KCNG2: variants seen among roughly 807,000 people sequenced by gnomAD.
KCNG2 encodes the protein voltage-gated potassium channel regulatory subunit KCNG2.
A neutral mutation model predicts 12.3 loss-of-function variants in KCNG2; 7 were observed. The ratio of observed to expected loss-of-function variants is 0.57; its 90% CI spans 0.32 to 1.07. KCNG2 has a LOEUF of 1.07. KCNG2 is among the 50% of genes least tolerant of loss of function. The probability of loss-of-function intolerance (pLI) is 0.04; values close to 1 mark genes in which losing one functional copy is unlikely to be tolerated. For synonymous variants in KCNG2, 414 were observed against 351.4 expected (o/e 1.18, Z -1.99); for missense variants, 703 against 726.0 (o/e 0.97, Z 0.36).
chr18:79,832,719 C>T (rs1329275718), intron 1 of KCNG2, among the ~76,000 whole-genome samples: 1 of 152,218 alleles, frequency 6.6e-6, no homozygotes, highest in African/African-American at 2.4e-5. Flanking sequence ...CTCTCAGGAC[C>T]CTCGGGCCAC....
At position 79,866,504 on chromosome 18, in the gene KCNG2, G is replaced by T. The variant is rs538772845; in HGVS notation, c.624+2213G>T. 9.8e-4 allele frequency among the ~76,000 whole-genome samples: 134 copies of T among 137,200 alleles called. 30 individuals carry two copies. Among genetic ancestry groups the T allele is most frequent in the Non-Finnish European group, 1.1e-3 (67 of 63,260 alleles). The allele number at this position is 137,200 out of a possible 152,430, so 90.0% of individuals were successfully genotyped here. ...GAGGTCTGTGTGCTGAGAGGTCTGG[G>T]TGCTGAGGTCTGGGTGCTGAAGTCT... On this transcript the variant is annotated intron_variant, in intron 3 of 3. Coordinates refer to ENST00000316249, the MANE Select transcript of KCNG2 (RefSeq NM_012283.2).
intron 1 of KCNG2, among the ~76,000 whole-genome samples, chr18:79,825,213 T>C (rs1026857180): frequency 6.6e-6 from 1 of 152,228 alleles, no homozygotes; most frequent in Non-Finnish European, 1.5e-5. Flanking sequence ...GCACTTCCTC[T>C]GGGTTTTCAA....
At position 79,899,105 on chromosome 18, in the gene KCNG2, C is replaced by T; in HGVS notation, c.690C>T (p.Ser230=). The change falls in exon 4 of 4, where the codon TCC becomes TCT. Residue 230 remains serine, a synonymous_variant. Transcript: ENST00000316249. ...AGACCGTGTGCGTGGCCTGGTTCTC[C>T]TTCGAGTTCCTGCTGCGCTCCCTGC... The part of the protein sequence containing the change: ...VLETVCVAWF[S]FEFLLRSLQA... The T allele has an allele frequency of 1.2e-6, 2 of 1,604,098 alleles. No homozygotes were observed. Among genetic ancestry groups the T allele is most frequent in the Non-Finnish European group, 1.7e-6 (2 of 1,177,950 alleles).
In KCNG2 at chr18:79,822,276, G is replaced by T. The variant is rs1349314436; in HGVS notation, c.-115+24262G>T. On this transcript the variant is annotated intron_variant, in intron 1 of 3. Coordinates refer to ENST00000316249, the MANE Select transcript of KCNG2 (RefSeq NM_012283.2). The surrounding 1 kb of genome is among the most constrained non-coding windows in gnomAD (Gnocchi z 4.4). ...TGGTCCAGACCAGGGATTCCCACTGGCCCCGCCCTGGTCACTACTTTAAAA... is the reference window on the plus strand; with the variant it reads ...TGGTCCAGACCAGGGATTCCCACTGTCCCCGCCCTGGTCACTACTTTAAAA... Among the ~76,000 whole-genome samples, 1 of 152,036 alleles carries T rather than the reference G, an allele frequency of 6.6e-6. No individual in the cohort carries two copies. Among genetic ancestry groups the T allele is most frequent in the Non-Finnish European group, 1.5e-5 (1 of 68,006 alleles).
chr18:79,887,339 C>T (rs1980563224), intron 3 of KCNG2, among the ~76,000 whole-genome samples: 1 of 152,018 alleles, frequency 6.6e-6, no homozygotes, highest in Admixed American at 6.5e-5. Flanking sequence ...GGGCCAGAGG[C>T]CACGGGACTG....
At chr18:79,867,278 T>C (rs994199936) in intron 3 of KCNG2, among the ~76,000 whole-genome samples, 5 of 151,908 alleles carry the variant, frequency 3.3e-5, no homozygotes, top group African/African-American at 1.2e-4. Context: ...ATCCGTCCTG[T>C]CCCACTAACC....
chr18:79,874,762 G>A (rs948337510), intron 3 of KCNG2, among the ~76,000 whole-genome samples: 1 of 152,214 alleles, frequency 6.6e-6, no homozygotes, highest in African/African-American at 2.4e-5. Flanking sequence ...GGCCGGCCCA[G>A]GTGCGGTGGT....
intron 3 of KCNG2, among the ~76,000 whole-genome samples, chr18:79,866,778 A>AGAGGCCTAGGTGCTGAGGTCTGGG (rs1979588237): frequency 1.5e-5 from 1 of 68,386 alleles, no homozygotes; most frequent in Non-Finnish European, 3.0e-5. Flanking sequence ...AGAGGTCTGT[A>AGAGGCCTAGGTGCTGAGGTCTGGG]TGCTGAGAGG....
At position 79,862,865 on chromosome 18, in the gene KCNG2, C is replaced by T. The variant is rs931785519; in HGVS notation, c.-40-763C>T. ...GTCTTCCACGGAGTCAAAGTAATTACGATTCCTAGTCAAAGAGTCCTGTAG... is the reference window on the plus strand; with the variant it reads ...GTCTTCCACGGAGTCAAAGTAATTATGATTCCTAGTCAAAGAGTCCTGTAG... On this transcript the variant is annotated intron_variant, in intron 2 of 3. Transcript: ENST00000316249. 4.6e-5 allele frequency among the ~76,000 whole-genome samples: 7 copies of T among 152,326 alleles called. No homozygotes were observed. The South Asian group carries it at 1.2e-3, about 27-fold the overall frequency.
chr18:79,833,279 G>C (rs1599380217), intron 1 of KCNG2, among the ~76,000 whole-genome samples: 1 of 152,066 alleles, frequency 6.6e-6, no homozygotes, highest in Non-Finnish European at 1.5e-5. Context: ...GGGACTACAG[G>C]TGTGTGCTAC....
intron 3 of KCNG2, among the ~76,000 whole-genome samples, chr18:79,881,369 C>T (rs535265991): frequency 6.0e-5 from 9 of 151,246 alleles, no homozygotes; most frequent in Non-Finnish European, 5.9e-5. Flanking sequence ...AGAAACACGC[C>T]GTATGATTGG....
rs1187413378 is a variant in KCNG2, at chr18:79,884,811, G to A, written c.625-14229G>A. On this transcript the variant is annotated intron_variant, in intron 3 of 3. Transcript: ENST00000316249. The surrounding 1 kb of genome is among the most constrained non-coding windows in gnomAD (Gnocchi z 5.5). ...GAACTCGGGAGCGGTTTACCCACAG[G>A]TTCCTGTGCGTGGGAGCAAACTTGC... Among the ~76,000 whole-genome samples the A allele has an allele frequency of 1.3e-5, 2 of 152,194 alleles. No homozygotes were observed. The highest frequency in any genetic ancestry group is 2.9e-5 in the Non-Finnish European group (2 of 68,024).
intron 1 of KCNG2, among the ~76,000 whole-genome samples, chr18:79,836,190 C>T (rs1318342079): frequency 6.6e-6 from 1 of 152,132 alleles, no homozygotes; most frequent in Non-Finnish European, 1.5e-5. Context: ...CAAAAAGATA[C>T]ATCGTGTAAA....
rs541029700 is a variant in KCNG2 at position 79,858,599 on chromosome 18, G to A, written c.-41+2147G>A. Among the ~76,000 whole-genome samples the A allele has an allele frequency of 5.9e-5, 9 of 151,556 alleles. No individual in the cohort carries two copies. In the East Asian group the frequency reaches 1.6e-3, roughly 26 times the overall value. ...GTGTACATCTCGGAGTGGGGTCACCGGGTCACATGAGAACTCCATGTTTAA... is the reference window on the plus strand; with the variant it reads ...GTGTACATCTCGGAGTGGGGTCACCAGGTCACATGAGAACTCCATGTTTAA... On this transcript the variant is annotated intron_variant, in intron 2 of 3. Transcript: ENST00000316249.
rs186365024 is a variant in KCNG2 at position 79,822,367 on chromosome 18, C to T, written c.-115+24353C>T. ...GGTTCTGTCCAGGGCCCCTCACCAT[C>T]GTTCCCATCATCCGTCTGTAATAGC... On this transcript the variant is annotated intron_variant, in intron 1 of 3. Transcript: ENST00000316249. This position sits in a 1 kb window ranked among gnomAD's most constrained non-coding sequence, Gnocchi z 4.4. Among the ~76,000 whole-genome samples the T allele has an allele frequency of 9.8e-5, 15 of 152,286 alleles. No homozygotes were observed. Among genetic ancestry groups the T allele is most frequent in the Non-Finnish European group, 1.0e-4 (7 of 68,014 alleles).
intron 1 of KCNG2, among the ~76,000 whole-genome samples, chr18:79,838,439 T>C (rs1978367177): frequency 6.6e-6 from 1 of 150,554 alleles, no homozygotes; most frequent in African/African-American, 2.5e-5. Context: ...CCTGAGACAA[T>C]GTCTCTCTGT....
intron 3 of KCNG2, among the ~76,000 whole-genome samples, chr18:79,875,512 G>C (rs574244913): frequency 6.6e-6 from 1 of 152,326 alleles, no homozygotes; most frequent in African/African-American, 2.4e-5. Context: ...CTGTGAGTTT[G>C]TCATGTGTTT....
Position 79,803,304 on chromosome 18 carries a change from C to G in KCNG2, c.-115+5290C>G, listed in dbSNP as rs2087425331. 6.6e-6 allele frequency among the ~76,000 whole-genome samples: 1 copy of G among 152,226 alleles called. No homozygotes were observed. The highest frequency in any genetic ancestry group is 2.4e-5 in the African/African-American group (1 of 41,454). Reference sequence around the variant, plus strand: ...GTAGTCACAGGGCAGGGCCAGCCCCCTCACCTCTAGGCCTCCAGTTCTTCT... The same window carrying G: ...GTAGTCACAGGGCAGGGCCAGCCCCGTCACCTCTAGGCCTCCAGTTCTTCT... On this transcript the variant is annotated intron_variant, in intron 1 of 3. Transcript: ENST00000316249. This position sits in a 1 kb window ranked among gnomAD's most constrained non-coding sequence, Gnocchi z 4.5.
intron 1 of KCNG2, among the ~76,000 whole-genome samples, chr18:79,828,743 G>C (rs1160531243): frequency 1.3e-5 from 2 of 150,094 alleles, no homozygotes; most frequent in Non-Finnish European, 3.0e-5. Context: ...GCATGTGTCT[G>C]TGTGTGGGTG....
Sources: allele counts gnomAD v4.1 joint callset (sites outside exome capture counted in the v4.1 genomes callset), GRCh38; gene constraint gnomAD v4.1.1; non-coding constraint Gnocchi (gnomAD v3.1); transcripts MANE v1.5; gene names NCBI Gene and HGNC (gene_info 2026-07-23, HGNC 2026-07-21).